CLSTN2: variants seen among roughly 807,000 people sequenced by gnomAD.
The protein encoded by CLSTN2 is calsyntenin-2.
Under a neutral mutation model 101.2 loss-of-function variants are expected in CLSTN2, and 48 were observed. The ratio of observed to expected loss-of-function variants is 0.47; its 90% confidence interval spans 0.38 to 0.60. CLSTN2 has a LOEUF of 0.60. Among genes scored for constraint, CLSTN2 ranks in the 20% least tolerant of loss-of-function variants. The pLI is 0.00. For synonymous variants in CLSTN2, 481 were observed against 463.6 expected (o/e 1.04, Z -0.48); for missense variants, 1,160 against 1,238.2 (o/e 0.94, Z 0.95).
intron 2 of CLSTN2, among the ~76,000 whole-genome samples, chr3:140,218,942 A>T (rs770176271): frequency 7.2e-5 from 11 of 152,148 alleles, no homozygotes; most frequent in Non-Finnish European, 1.3e-4. Flanking sequence ...ACCTGAATGG[A>T]GAGGAATCTC....
At chr3:140,084,288 G>A (rs2008644596) in intron 1 of CLSTN2, among the ~76,000 whole-genome samples, 2 of 152,164 alleles carry the variant, frequency 1.3e-5, no homozygotes, top group Admixed American at 1.3e-4. Flanking sequence ...CCAGGATTCA[G>A]GATGTGACTA....
intron 2 of CLSTN2, among the ~76,000 whole-genome samples, chr3:140,195,405 T>G (rs1173020675): frequency 6.6e-6 from 1 of 152,152 alleles, no homozygotes; most frequent in Non-Finnish European, 1.5e-5. Context: ...GGCCCCTAGG[T>G]GGTCTGCCTT....
chr3:140,322,292 G>T (rs1477748829), intron 2 of CLSTN2, among the ~76,000 whole-genome samples: 2 of 152,208 alleles, frequency 1.3e-5, no homozygotes, highest in African/African-American at 4.8e-5. Context: ...ATTTTCTTGT[G>T]CATCATTTGG....
chr3:139,995,755 G>T (rs1936193393), intron 1 of CLSTN2, among the ~76,000 whole-genome samples: 1 of 152,172 alleles, frequency 6.6e-6, no homozygotes, highest in Non-Finnish European at 1.5e-5. Flanking sequence ...TAAAGGGGGA[G>T]TGCAGAGCCA....
At chr3:140,507,341 C>G (rs1490353985) in intron 8 of CLSTN2, 3 of 152,194 alleles carry the variant, frequency 2.0e-5, no homozygotes, top group East Asian at 3.9e-4. Context: ...ATCACGCAGT[C>G]AGGACGTGAT....
intron 1 of CLSTN2, among the ~76,000 whole-genome samples, chr3:140,014,911 T>C (rs562668897): frequency 6.6e-6 from 1 of 152,362 alleles, no homozygotes; most frequent in Non-Finnish European, 1.5e-5. Context: ...ATGAGATCTT[T>C]GGCTCCTCTG....
intron 8 of CLSTN2, among the ~76,000 whole-genome samples, chr3:140,526,926 A>G (rs960958893): frequency 1.3e-4 from 20 of 152,210 alleles, no homozygotes; most frequent in Non-Finnish European, 1.8e-4. Context: ...ACCATATACA[A>G]AAATTAACTC....
intron 5 of CLSTN2, among the ~76,000 whole-genome samples, chr3:140,442,402 T>G (rs1293834279): frequency 6.6e-6 from 1 of 152,168 alleles, no homozygotes; most frequent in East Asian, 1.9e-4. Context: ...TTTCTTCCCA[T>G]GGAAGCCACA....
chr3:140,179,620 C>CAAAAAA (rs57433306), intron 2 of CLSTN2, among the ~76,000 whole-genome samples: 6 of 37,460 alleles, frequency 1.6e-4, no homozygotes, highest in South Asian at 2.2e-3. Context: ...GACCCTATCT[C>CAAAAAA]AAAAAAAAAA....
chr3:140,525,042 G>A (rs1441067041), intron 8 of CLSTN2, among the ~76,000 whole-genome samples: 2 of 151,972 alleles, frequency 1.3e-5, no homozygotes, highest in Non-Finnish European at 2.9e-5. Context: ...AGGAAGAAGG[G>A]GAGAAAAAGA....
intron 2 of CLSTN2, among the ~76,000 whole-genome samples, chr3:140,344,989 G>A (rs953721833): frequency 8.5e-5 from 13 of 152,136 alleles, no homozygotes; most frequent in African/African-American, 1.4e-4. Flanking sequence ...TGAACCATAC[G>A]AGCCGTCTGG....
At chr3:140,137,662 A>G (rs953914506) in intron 1 of CLSTN2, among the ~76,000 whole-genome samples, 1 of 152,208 alleles carries the variant, frequency 6.6e-6, no homozygotes, top group Non-Finnish European at 1.5e-5. Context: ...ACGCAATAAT[A>G]GTAACTGTTC....
chr3:139,938,097 G>A (rs1935059693), intron 1 of CLSTN2, among the ~76,000 whole-genome samples: 3 of 137,636 alleles, frequency 2.2e-5, no homozygotes, highest in South Asian at 2.4e-4. Flanking sequence ...CCCTGCCTCT[G>A]ACTTTGCCAT....
At chr3:140,098,374 T>A (rs2008906699) in intron 1 of CLSTN2, among the ~76,000 whole-genome samples, 1 of 152,196 alleles carries the variant, frequency 6.6e-6, no homozygotes, top group Non-Finnish European at 1.5e-5. Flanking sequence ...CACCATTAAA[T>A]TTTAACATTT....
intron 1 of CLSTN2, among the ~76,000 whole-genome samples, chr3:140,103,903 C>T (rs2009009671): frequency 6.6e-6 from 1 of 152,164 alleles, no homozygotes; most frequent in Non-Finnish European, 1.5e-5. Flanking sequence ...AGAATAATAT[C>T]TGCCAATAAT....
chr3:140,255,891 T>A (rs2086600079), intron 2 of CLSTN2, among the ~76,000 whole-genome samples: 1 of 152,200 alleles, frequency 6.6e-6, no homozygotes, highest in South Asian at 2.1e-4. Flanking sequence ...GTGCTGACAC[T>A]TTTTTCAACT....
chr3:140,038,532 C>T (rs936258980), intron 1 of CLSTN2, among the ~76,000 whole-genome samples: 15 of 151,874 alleles, frequency 9.9e-5, no homozygotes, highest in East Asian at 3.9e-4. Flanking sequence ...GGTGTGCAGA[C>T]GCTGTTTAGT....
intron 2 of CLSTN2, among the ~76,000 whole-genome samples, chr3:140,264,584 T>A (rs1428397986): frequency 6.6e-6 from 1 of 151,902 alleles, no homozygotes; most frequent in African/African-American, 2.4e-5. Flanking sequence ...GCTAATTCAG[T>A]CTTTGCAGCA....
chr3:140,315,667 G>A lies in CLSTN2; in HGVS notation c.233-87962G>A, dbSNP rs1473617446. Among the ~76,000 whole-genome samples, 4 of 152,288 alleles carry A rather than the reference G, an allele frequency of 2.6e-5. No homozygotes were observed. The East Asian group carries it at 5.8e-4, about 22-fold the overall frequency. ...GATTAAAAGGTTCAGGTGTCCTAGA[G>A]ATGCTCCACAGAGTGGCTGTTACTT... is the stretch of plus-strand genomic sequence containing the variant. On this transcript the variant is annotated intron_variant, in intron 2 of 16. Coordinates refer to ENST00000458420, the MANE Select transcript of CLSTN2 (RefSeq NM_022131.3).
Sources: allele counts gnomAD v4.1 joint callset (sites outside exome capture counted in the v4.1 genomes callset), GRCh38; gene constraint gnomAD v4.1.1; transcripts MANE v1.5; gene names NCBI Gene and HGNC (gene_info 2026-07-23, HGNC 2026-07-21).